ENPP6: variants seen among roughly 807,000 people sequenced by gnomAD.
The protein encoded by ENPP6 is glycerophosphocholine cholinephosphodiesterase ENPP6.
ENPP6 carries 32 observed loss-of-function variants against 42.0 expected under a neutral mutation model. The ratio of observed to expected loss-of-function variants is 0.76; its 90% confidence interval spans 0.58 to 1.02. The LOEUF (loss-of-function observed/expected upper bound fraction) is 1.02, where lower values mean the gene tolerates loss of function less well. Ranked by LOEUF, ENPP6 falls within the 50% of genes least tolerant of loss-of-function variation. The pLI is 0.00. For synonymous variants in ENPP6, 213 were observed against 216.0 expected (o/e 0.99, Z 0.12); for missense variants, 552 against 566.8 (o/e 0.97, Z 0.27).
chr4:184,164,599 G>A lies in ENPP6; in HGVS notation c.242-10866C>T, dbSNP rs190283725. Among the ~76,000 whole-genome samples the A allele has an allele frequency of 2.6e-3, 398 of 152,244 alleles. 3 individuals carry two copies. Among genetic ancestry groups the A allele is most frequent in the Non-Finnish European group, 3.4e-3 (232 of 68,018 alleles). On this transcript the variant is annotated intron_variant, in intron 1 of 7. Transcript: ENST00000296741. Reference sequence around the variant, plus strand: ...GCTAAAGAACCAAGGAATTTTCAGAGGGAGCACGCCCCATCCACACCTTAA... The same window carrying A: ...GCTAAAGAACCAAGGAATTTTCAGAAGGAGCACGCCCCATCCACACCTTAA...
At chr4:184,173,971 C>A (rs1454764230) in intron 1 of ENPP6, among the ~76,000 whole-genome samples, 1 of 152,014 alleles carries the variant, frequency 6.6e-6, no homozygotes, top group Non-Finnish European at 1.5e-5. Flanking sequence ...CACTGCAGAT[C>A]GTAATTCCCA....
intron 6 of ENPP6, among the ~76,000 whole-genome samples, chr4:184,103,514 A>G (rs191623716): frequency 2.0e-4 from 30 of 152,362 alleles, no homozygotes; most frequent in Admixed American, 8.5e-4. Flanking sequence ...TCCCAGTCTA[A>G]GAAAAGGCAC....
intron 2 of ENPP6, among the ~76,000 whole-genome samples, chr4:184,149,886 T>G (rs777273204): frequency 6.6e-6 from 1 of 152,184 alleles, no homozygotes; most frequent in African/African-American, 2.4e-5. Context: ...CTATTTTCCC[T>G]CCTTCCTCCC....
At position 184,091,294 on chromosome 4, in the gene ENPP6, G is replaced by A. The variant is rs543052356; in HGVS notation, c.1206C>T (p.Pro402=). The change falls in exon 8 of 8, where the codon CCC becomes CCT. Residue 402 remains proline (P), a synonymous_variant. Coordinates refer to ENST00000296741, the MANE Select transcript of ENPP6 (RefSeq NM_153343.4). ...MCNVVGITPL[P]NNGSWSRVMC... ...TCACCCTGGACCAGGATCCGTTGTT[G>A]GGCAGCGGGGTGATGCCCACCACAT... 236 of 1,614,058 alleles carry A rather than the reference G, an allele frequency of 1.5e-4. 1 individual carries two copies. Among genetic ancestry groups the A allele is most frequent in the South Asian group, 1.2e-3 (110 of 91,042 alleles).
intron 6 of ENPP6, among the ~76,000 whole-genome samples, chr4:184,110,850 A>G (rs1736186100): frequency 6.6e-6 from 1 of 152,220 alleles, no homozygotes; most frequent in Admixed American, 6.5e-5. Flanking sequence ...TATGACCAAG[A>G]GCGTCTTAAC....
At chr4:184,123,719 G>A (rs1319545841) in intron 3 of ENPP6, among the ~76,000 whole-genome samples, 2 of 152,144 alleles carry the variant, frequency 1.3e-5, no homozygotes, top group African/African-American at 2.4e-5. Context: ...AACAGATTTT[G>A]TGTTCTAATA....
intron 1 of ENPP6, among the ~76,000 whole-genome samples, chr4:184,201,078 A>G (rs1732887792): frequency 6.6e-6 from 1 of 152,094 alleles, no homozygotes; most frequent in Non-Finnish European, 1.5e-5. Context: ...GGTTCAGACC[A>G]AGCAAAGTAT....
chr4:184,093,882 G>A (rs1001168513), intron 7 of ENPP6, among the ~76,000 whole-genome samples: 10 of 152,152 alleles, frequency 6.6e-5, no homozygotes, highest in Non-Finnish European at 1.5e-4. Flanking sequence ...TGACCTGGAT[G>A]TGATAATTCT....
At chr4:184,200,787 C>T (rs567391043) in intron 1 of ENPP6, among the ~76,000 whole-genome samples, 2 of 152,316 alleles carry the variant, frequency 1.3e-5, no homozygotes, top group East Asian at 3.9e-4. Context: ...TCCCGGGGGA[C>T]CTGGCCTCCT....
In ENPP6 at chr4:184,108,514, G is replaced by A. The variant is rs1187773358; in HGVS notation, c.993+4158C>T. Among the ~76,000 whole-genome samples the A allele has an allele frequency of 3.3e-5, 5 of 152,192 alleles. No homozygotes were observed. In the East Asian group the frequency reaches 5.8e-4, roughly 18 times the overall value. On this transcript the variant is annotated intron_variant, in intron 6 of 7. Coordinates refer to ENST00000296741, the MANE Select transcript of ENPP6 (RefSeq NM_153343.4). ...TGTCAAGAAAGGATAAAGAACAATCGAACGATGTCAAAGGAAGAAGTTTAA... is the reference window on the plus strand; with the variant it reads ...TGTCAAGAAAGGATAAAGAACAATCAAACGATGTCAAAGGAAGAAGTTTAA...
intron 1 of ENPP6, among the ~76,000 whole-genome samples, chr4:184,194,042 C>T (rs555887346): frequency 5.9e-5 from 9 of 152,278 alleles, no homozygotes; most frequent in Admixed American, 3.9e-4. Flanking sequence ...TCTTCCTTGT[C>T]TCCTTTGATA....
At chr4:184,168,317 T>C (rs1737392954) in intron 1 of ENPP6, among the ~76,000 whole-genome samples, 1 of 152,222 alleles carries the variant, frequency 6.6e-6, no homozygotes, top group Non-Finnish European at 1.5e-5. Flanking sequence ...CAAATGGGCC[T>C]TTTAAAAGGC....
At chr4:184,109,722 C>T (rs1288323473) in intron 6 of ENPP6, among the ~76,000 whole-genome samples, 1 of 152,194 alleles carries the variant, frequency 6.6e-6, no homozygotes, top group Non-Finnish European at 1.5e-5. Flanking sequence ...TAAAATGCTG[C>T]TCTAATAATT....
chr4:184,128,503 G>A (rs1316808208), intron 2 of ENPP6, among the ~76,000 whole-genome samples: 1 of 151,858 alleles, frequency 6.6e-6, no homozygotes, highest in Non-Finnish European at 1.5e-5. Context: ...TTTAAAGAAT[G>A]TCAAGATGAT....
chr4:184,162,951 G>C (rs1051249553), intron 1 of ENPP6, among the ~76,000 whole-genome samples: 8 of 152,084 alleles, frequency 5.3e-5, no homozygotes, highest in African/African-American at 1.9e-4. Flanking sequence ...TCCGCTCCCC[G>C]AGTGGTGAAT....
At chr4:184,206,032 G>A (rs982362135) in intron 1 of ENPP6, among the ~76,000 whole-genome samples, 3 of 152,130 alleles carry the variant, frequency 2.0e-5, no homozygotes, top group Non-Finnish European at 2.9e-5. Context: ...TGGATTTGGT[G>A]CAAGAGAGAG....
At chr4:184,093,952 C>A (rs973536775) in intron 7 of ENPP6, among the ~76,000 whole-genome samples, 1 of 152,098 alleles carries the variant, frequency 6.6e-6, no homozygotes, top group African/African-American at 2.4e-5. Flanking sequence ...AGGCAGTGGA[C>A]CAGAGTAAGC....
At chr4:184,182,002 C>T (rs1362768838) in intron 1 of ENPP6, among the ~76,000 whole-genome samples, 12 of 151,786 alleles carry the variant, frequency 7.9e-5, no homozygotes, top group African/African-American at 2.9e-4. Context: ...ATGCAAAAAT[C>T]GACAAATGAG....
intron 1 of ENPP6, among the ~76,000 whole-genome samples, chr4:184,192,030 A>G (rs1732718416): frequency 6.6e-6 from 1 of 152,242 alleles, no homozygotes; most frequent in Non-Finnish European, 1.5e-5. Flanking sequence ...CAGAAGACTT[A>G]GTATTGTTAA....
Sources: allele counts gnomAD v4.1 joint callset (sites outside exome capture counted in the v4.1 genomes callset), GRCh38; gene constraint gnomAD v4.1.1; transcripts MANE v1.5; gene names NCBI Gene and HGNC (gene_info 2026-07-23, HGNC 2026-07-21).